PLPP4: variants seen among roughly 807,000 people sequenced by gnomAD.
The protein encoded by PLPP4 is diacylglycerol pyrophosphate like 2.
In PLPP4, 20 loss-of-function variants were observed where a neutral mutation model predicts 32.2. That is an observed-to-expected ratio of 0.62 (90% CI 0.44 to 0.90). The LOEUF (loss-of-function observed/expected upper bound fraction) is 0.90. Ranked by LOEUF, PLPP4 falls within the 40% of genes least tolerant of loss-of-function variation. The pLI is 0.00. For missense variants in PLPP4, 257 were observed against 353.1 expected (o/e 0.73, Z 2.18); for synonymous variants, 127 against 133.0 (o/e 0.95, Z 0.31).
At chr10:120,530,955 C>A (rs74159436) in intron 5 of PLPP4, among the ~76,000 whole-genome samples, 1 of 152,088 alleles carries the variant, frequency 6.6e-6, no homozygotes, top group Non-Finnish European at 1.5e-5. Context: ...TATCTTACTA[C>A]ATTAATTGGT....
At chr10:120,566,786 C>G (rs2134028130) in intron 5 of PLPP4, among the ~76,000 whole-genome samples, 1 of 152,328 alleles carries the variant, frequency 6.6e-6, no homozygotes, top group African/African-American at 2.4e-5. Flanking sequence ...AACTCCTGAC[C>G]TCAGGTGATC....
In PLPP4 at chr10:120,511,386, G is replaced by C. The variant is rs182770819; in HGVS notation, c.166-2525G>C. 2.0e-5 allele frequency among the ~76,000 whole-genome samples: 3 copies of C among 152,310 alleles called. No homozygotes were observed. The East Asian group carries it at 5.8e-4, about 29-fold the overall frequency. On this transcript the variant is annotated intron_variant, in intron 2 of 6. Coordinates refer to ENST00000398250, the MANE Select transcript of PLPP4 (RefSeq NM_001030059.3). Reference sequence around the variant, plus strand: ...TTCCTTTGGAAGCCTCATTGGGAAAGTCATCCCAACTCATACTTTTTTCTG... The same window carrying C: ...TTCCTTTGGAAGCCTCATTGGGAAACTCATCCCAACTCATACTTTTTTCTG...
intron 1 of PLPP4, among the ~76,000 whole-genome samples, chr10:120,495,963 A>T (rs1844943968): frequency 6.6e-6 from 1 of 151,790 alleles, no homozygotes; most frequent in African/African-American, 2.4e-5. Context: ...GGAGGAAGAT[A>T]TGTAGCCTCA....
intron 3 of PLPP4, among the ~76,000 whole-genome samples, chr10:120,515,000 A>G (rs1405053094): frequency 6.6e-6 from 1 of 152,144 alleles, no homozygotes; most frequent in Non-Finnish European, 1.5e-5. Context: ...TTTCCATGGT[A>G]AGGGAGTGAG....
intron 5 of PLPP4, among the ~76,000 whole-genome samples, chr10:120,530,520 A>G (rs190533010): frequency 5.3e-5 from 8 of 152,336 alleles, no homozygotes; most frequent in Non-Finnish European, 8.8e-5. Context: ...GTATTTCACT[A>G]TAATGAGTAT....
chr10:120,586,116 C>CT (rs199677420), intron 6 of PLPP4, among the ~76,000 whole-genome samples: 14 of 125,378 alleles, frequency 1.1e-4, no homozygotes, highest in African/African-American at 3.6e-4. Context: ...ATTTTTTTCT[C>CT]TTTTCTTTTT....
chr10:120,520,920 A>G, intron 4 of PLPP4, 51 bp from the exon 5 acceptor site: 1 of 1,609,050 alleles, frequency 6.2e-7, no homozygotes, highest in Non-Finnish European at 8.5e-7. Context: ...GCTTGGGGTC[A>G]TTTGTGATGG....
In PLPP4 at chr10:120,534,468, A is replaced by G. The variant is rs548672662; in HGVS notation, c.445+13373A>G. Reference sequence around the variant, plus strand: ...GGAGTTCACTGAGCTCCTAGGATGTATACATTAATGTTTATCATCGAATTT... The same window carrying G: ...GGAGTTCACTGAGCTCCTAGGATGTGTACATTAATGTTTATCATCGAATTT... On this transcript the variant is annotated intron_variant, in intron 5 of 6. Transcript: ENST00000398250. Among the ~76,000 whole-genome samples the G allele has an allele frequency of 9.9e-5, 15 of 152,148 alleles. 1 individual carries two copies. The East Asian group carries it at 2.7e-3, about 27-fold the overall frequency.
chr10:120,558,411 CT>C (rs35962206), intron 5 of PLPP4, among the ~76,000 whole-genome samples: 2,687 of 135,906 alleles, frequency 0.02, 69 homozygotes, highest in African/African-American at 0.066. Flanking sequence ...TTCTTTCTTT[CT>C]TTTTTTTTTT....
chr10:120,492,155 G>A (rs2133840278), intron 1 of PLPP4, among the ~76,000 whole-genome samples: 1 of 152,234 alleles, frequency 6.6e-6, no homozygotes, highest in South Asian at 2.1e-4. Flanking sequence ...CTTGACCCAG[G>A]TTATGAGGCC....
chr10:120,586,878 G>A (rs1849787475), intron 6 of PLPP4, among the ~76,000 whole-genome samples: 3 of 152,044 alleles, frequency 2.0e-5, no homozygotes, highest in Admixed American at 6.5e-5. Flanking sequence ...GGTCAGATGA[G>A]GCTATGTTGC....
chr10:120,498,399 G>A (rs1415927415), intron 1 of PLPP4, among the ~76,000 whole-genome samples: 1 of 152,168 alleles, frequency 6.6e-6, no homozygotes, highest in Non-Finnish European at 1.5e-5. Context: ...CACCTATACA[G>A]TGTCATTAAA....
intron 1 of PLPP4, among the ~76,000 whole-genome samples, chr10:120,495,262 A>C (rs1844909116): frequency 6.6e-6 from 1 of 152,206 alleles, no homozygotes; most frequent in Non-Finnish European, 1.5e-5. Flanking sequence ...AACTATGATT[A>C]TTATTCTAAT....
chr10:120,552,352 T>G (rs535366731), intron 5 of PLPP4, among the ~76,000 whole-genome samples: 1 of 152,282 alleles, frequency 6.6e-6, no homozygotes, highest in East Asian at 1.9e-4. Flanking sequence ...GAGATGACCT[T>G]TCACTGAATC....
intron 5 of PLPP4, among the ~76,000 whole-genome samples, chr10:120,553,608 T>G (rs538541978): frequency 6.6e-6 from 1 of 152,358 alleles, no homozygotes; most frequent in African/African-American, 2.4e-5. Flanking sequence ...ATCACACCAA[T>G]TTGATGGCAA....
rs986315682 is a variant in PLPP4, at chr10:120,590,575, A to G, written c.*1073A>G. Among the ~76,000 whole-genome samples, 5 of 152,146 alleles carry G rather than the reference A, an allele frequency of 3.3e-5. No homozygotes were observed. The East Asian group carries it at 9.6e-4, about 29-fold the overall frequency. Reference sequence around the variant, plus strand: ...CTGTGTCTCTCGCTCAGCTCTTTGCATTGTTGAATACAGCCAGTCAATATG... The same window carrying G: ...CTGTGTCTCTCGCTCAGCTCTTTGCGTTGTTGAATACAGCCAGTCAATATG... On this transcript the variant is annotated 3_prime_UTR_variant, in exon 7 of 7. Transcript: ENST00000398250.
intron 5 of PLPP4, among the ~76,000 whole-genome samples, chr10:120,574,877 C>G (rs1849139695): frequency 6.6e-6 from 1 of 152,178 alleles, no homozygotes; most frequent in Non-Finnish European, 1.5e-5. Context: ...GTGGAGACTC[C>G]TGAAGTAACT....
chr10:120,498,223 C>G (rs1169816410), intron 1 of PLPP4, among the ~76,000 whole-genome samples: 1 of 152,114 alleles, frequency 6.6e-6, no homozygotes, highest in African/African-American at 2.4e-5. Flanking sequence ...CCTACGCAGT[C>G]TAGACATTTT....
chr10:120,548,278 G>T (rs1407164782), intron 5 of PLPP4, among the ~76,000 whole-genome samples: 1 of 151,936 alleles, frequency 6.6e-6, no homozygotes. Context: ...TCGTCTTTGT[G>T]TTCATATATA....
Sources: allele counts gnomAD v4.1 joint callset (sites outside exome capture counted in the v4.1 genomes callset), GRCh38; gene constraint gnomAD v4.1.1; transcripts MANE v1.5; gene names NCBI Gene and HGNC (gene_info 2026-07-23, HGNC 2026-07-21).